Variants in DIMT1 observed in about 807,000 individuals in gnomAD.
DIMT1 encodes dimethyladenosine transferase.
DIMT1 carries 36 observed loss-of-function variants against 43.2 expected under a neutral mutation model. The observed-to-expected ratio is 0.83, with a 90% CI of 0.64 to 1.10. The LOEUF (loss-of-function observed/expected upper bound fraction) is 1.10, where lower values mean the gene tolerates loss of function less well. Among genes scored for constraint, DIMT1 ranks in the 50% least tolerant of loss-of-function variants. The pLI is 0.00. For synonymous variants in DIMT1, 126 were observed against 130.3 expected (o/e 0.97, Z 0.22); for missense variants, 341 against 385.3 (o/e 0.88, Z 0.96).
chr5:62,392,511 A>G (rs1742345817), intron 9 of DIMT1, among the ~76,000 whole-genome samples: 1 of 143,882 alleles, frequency 7.0e-6, no homozygotes, highest in Non-Finnish European at 1.5e-5. Context: ...AAATCCCCTA[A>G]AAAAAAATCT....
At position 62,394,588 on chromosome 5, in the gene DIMT1, GA is replaced by G. The variant is rs1208439683; in HGVS notation, c.465del (p.Gln156LysfsTer33). The part of the protein sequence containing the change: ...RPFFRCAILM[F>X]QREFALRLVA... Reference sequence around the variant, plus strand: ...ACCAGTCGGAGGGCAAATTCTCTTTGAAACATAAGTATAGCACACCTGAAAA... The same window carrying G: ...ACCAGTCGGAGGGCAAATTCTCTTTGAACATAAGTATAGCACACCTGAAAA... On this transcript the variant is annotated frameshift_variant, in exon 7 of 12. Transcript: ENST00000199320. LOFTEE classifies it high-confidence loss of function. 1.9e-6 allele frequency: 3 copies of G among 1,614,010 alleles called. No individual in the cohort carries two copies. In the East Asian group the frequency reaches 6.7e-5, roughly 36 times the overall value.
At chr5:62,403,213 T>A in intron 2 of DIMT1, 60 bp downstream of exon 2, 1 of 1,454,948 alleles carries the variant, frequency 6.9e-7, no homozygotes, top group Non-Finnish European at 9.6e-7. Context: ...TGCGCTTATG[T>A]ATTCATAGGA....
In DIMT1 at chr5:62,402,093, C is replaced by G; in HGVS notation, c.183G>C (p.Leu61=). 6.2e-7 allele frequency: 1 copy of G among 1,613,930 alleles called. No individual in the cohort carries two copies. The highest frequency in any genetic ancestry group is 8.5e-7 in the Non-Finnish European group (1 of 1,179,936). The change falls in exon 3 of 12, where the codon CTG becomes CTC. Residue 61 remains leucine, a synonymous_variant. Coordinates refer to ENST00000199320, the MANE Select transcript of DIMT1 (RefSeq NM_014473.4). ...TGTTGCCAGTTCCAGGTCCAACTTC[C>G]AGCACTACATCAGTTGGTCTTAAGG... ...KAALRPTDVV[L]EVGPGTGNMT...
At chr5:62,395,373 G>A (rs2112043174) in intron 6 of DIMT1, among the ~76,000 whole-genome samples, 1 of 152,180 alleles carries the variant, frequency 6.6e-6, no homozygotes, top group Admixed American at 6.5e-5. Context: ...GACTTTGTAG[G>A]GGTTAACGAA....
intron 6 of DIMT1, among the ~76,000 whole-genome samples, chr5:62,397,875 C>T (rs376766951): frequency 4.6e-5 from 7 of 152,258 alleles, no homozygotes; most frequent in African/African-American, 1.7e-4. Flanking sequence ...GTCTCGATCT[C>T]CTGACCTCAT....
At position 62,403,811 on chromosome 5, in the gene DIMT1, G is replaced by A; in HGVS notation, c.-39C>T. ...GGGCCCACAGGCCCGGGACGTCAAG[G>A]AGGACCAAAGAGGGCTAGCGTGAGA... On this transcript the variant is annotated 5_prime_UTR_variant, in exon 1 of 12. Transcript: ENST00000199320. The A allele has an allele frequency of 6.3e-7, 1 of 1,591,418 alleles. No individual in the cohort carries two copies. The highest frequency in any genetic ancestry group is 1.1e-5 in the South Asian group (1 of 89,474).
At chr5:62,403,567 G>T in intron 1 of DIMT1, 127 bp downstream of exon 1, 1 of 1,186,450 alleles carries the variant, frequency 8.4e-7, no homozygotes, top group Non-Finnish European at 1.2e-6. Context: ...ACCCACCCCT[G>T]CCTTCCGCGC....
Position 62,403,690 on chromosome 5 carries a change from G to C in DIMT1, c.79+4C>G, listed in dbSNP as rs371144112. On this transcript the variant is annotated splice_donor_region_variant and intron_variant, in intron 1 of 11. Transcript: ENST00000199320. ...GACCCCAGCTTCCTCGCGGGGATCC[G>C]CACCTCCAGCGCTCTTCAGCTCCCG... The C allele has an allele frequency of 1.2e-6, 2 of 1,606,258 alleles. No homozygotes were observed. Among genetic ancestry groups the C allele is most frequent in the Non-Finnish European group, 8.5e-7 (1 of 1,177,228 alleles).
intron 8 of DIMT1, among the ~76,000 whole-genome samples, chr5:62,393,225 A>T (rs1339169042): frequency 6.6e-6 from 1 of 152,020 alleles, no homozygotes; most frequent in East Asian, 1.9e-4. Context: ...TTTTTTTTTG[A>T]CAAAGCATGA....
chr5:62,394,016 T>C lies in DIMT1; in HGVS notation c.602A>G (p.Lys201Arg). 1.2e-6 allele frequency: 2 copies of C among 1,612,352 alleles called. No homozygotes were observed. Among genetic ancestry groups the C allele is most frequent in the South Asian group, 1.1e-5 (1 of 90,510 alleles). The change falls in exon 8 of 12, where the codon AAG (lysine) becomes AGG (arginine). Residue 201 changes from lysine to arginine, a missense_variant. Coordinates refer to ENST00000199320, the MANE Select transcript of DIMT1 (RefSeq NM_014473.4). ...VGKNNFRPPP[K>R]VESSVVRIEP... ...TATCCTTACAACACTGGATTCCACC[T>C]TGGGCGGTGGTCTGAAGTTATTCTT... is the stretch of plus-strand genomic sequence containing the variant.
chr5:62,389,155 C>A, intron 11 of DIMT1, 103 bp from the exon 12 acceptor site: 1 of 990,756 alleles, frequency 1.0e-6, no homozygotes. Context: ...ATACAGCATG[C>A]TTACAGAGCC....
intron 9 of DIMT1, 56 bp from the exon 10 acceptor site, chr5:62,392,290 T>TA: frequency 6.6e-7 from 1 of 1,522,080 alleles, no homozygotes; most frequent in Middle Eastern, 1.7e-4. Flanking sequence ...AGTAATTTCT[T>TA]ACTTTTTTAA....
In DIMT1 at chr5:62,398,764, A is replaced by T. The variant is rs78082102; in HGVS notation, c.303-25T>A. On this transcript the variant is annotated intron_variant, in intron 4 of 11. Transcript: ENST00000199320. Reference sequence around the variant, plus strand: ...CCTGATGAGAAAAGAAGAAATGTAAAAAGAATGTTGTTTCATGAGATTGAA... The same window carrying T: ...CCTGATGAGAAAAGAAGAAATGTAATAAGAATGTTGTTTCATGAGATTGAA... 1.9e-6 allele frequency: 3 copies of T among 1,614,042 alleles called. No homozygotes were observed. In the Admixed American group the frequency reaches 5.0e-5, roughly 27 times the overall value.
Position 62,390,859 on chromosome 5 carries a change from A to G in DIMT1, c.899+17T>C, listed in dbSNP as rs534698558. On this transcript the variant is annotated intron_variant, in intron 11 of 11. Transcript: ENST00000199320. Reference sequence around the variant, plus strand: ...GTAAAGAAATGTAAACACTTAGGAAAACAAAAATGTAATTACCTGATGAAG... The same window carrying G: ...GTAAAGAAATGTAAACACTTAGGAAGACAAAAATGTAATTACCTGATGAAG... 2.5e-6 allele frequency: 4 copies of G among 1,605,760 alleles called. No individual in the cohort carries two copies. In the African/African-American group the frequency reaches 5.3e-5, roughly 21 times the overall value.
In DIMT1 at chr5:62,403,267, A is replaced by G. The variant is rs1742774221; in HGVS notation, c.153+6T>C. On this transcript the variant is annotated splice_donor_region_variant and intron_variant, in intron 2 of 11. Coordinates refer to ENST00000199320, the MANE Select transcript of DIMT1 (RefSeq NM_014473.4). ...CAACTCTCTCCCTTTCCTCTTCCAC[A>G]CCCACCTTATCGATAATGCTGTTAA... is the stretch of plus-strand genomic sequence containing the variant. The G allele has an allele frequency of 6.2e-7, 1 of 1,612,868 alleles. No homozygotes were observed. Among genetic ancestry groups the G allele is most frequent in the South Asian group, 1.1e-5 (1 of 91,044 alleles).
intron 11 of DIMT1, among the ~76,000 whole-genome samples, chr5:62,389,806 T>C (rs1435787533): frequency 1.3e-5 from 2 of 152,200 alleles, no homozygotes; most frequent in Non-Finnish European, 2.9e-5. Flanking sequence ...ATGTACTTAA[T>C]AGATTCTAGT....
intron 6 of DIMT1, among the ~76,000 whole-genome samples, chr5:62,397,480 T>G (rs527238966): frequency 6.6e-6 from 1 of 152,266 alleles, no homozygotes; most frequent in Non-Finnish European, 1.5e-5. Context: ...TTGTTTGTGC[T>G]GTTGAATGTT....
chr5:62,391,765 G>T, intron 10 of DIMT1: 2 of 1,372,476 alleles, frequency 1.5e-6, no homozygotes, highest in Non-Finnish European at 1.9e-6. Flanking sequence ...TACAAAGAAA[G>T]TAATAACTAT....
chr5:62,394,458 A>G (rs1742410287), intron 7 of DIMT1, 26 bp downstream of exon 7: 2 of 1,611,888 alleles, frequency 1.2e-6, no homozygotes, highest in Non-Finnish European at 8.5e-7. Flanking sequence ...CTCAGAAAAA[A>G]GAGAAAGAAA....
Sources: gnomAD v4.1 joint callset for allele counts (sites outside exome capture counted in the v4.1 genomes callset) on GRCh38, gnomAD v4.1.1 for gene constraint, MANE v1.5 for transcripts, NCBI Gene and HGNC (gene_info 2026-07-23, HGNC 2026-07-21) for gene names.